Variants in POU2F3 observed in about 807,000 individuals in gnomAD.
POU2F3 encodes the protein POU class 2 homeobox 3, also known as POU domain, class 2, transcription factor 3.
In POU2F3, 23 loss-of-function variants were observed where a neutral mutation model predicts 59.2. That is an observed-to-expected ratio of 0.39 (90% CI 0.28 to 0.55). The LOEUF is 0.55. Ranked by LOEUF, POU2F3 falls within the 20% of genes least tolerant of loss-of-function variation. The probability of loss-of-function intolerance (pLI) is 0.66; values close to 1 mark genes in which losing one functional copy is unlikely to be tolerated. For missense variants in POU2F3, 473 were observed against 544.5 expected (o/e 0.87, Z 1.31); for synonymous variants, 190 against 214.6 (o/e 0.89, Z 1.00).
Position 120,246,569 on chromosome 11 carries a change from T to C in POU2F3, c.97+52T>C, listed in dbSNP as rs375429442. On this transcript the variant is annotated intron_variant, in intron 2 of 12. Coordinates refer to ENST00000543440, the MANE Select transcript of POU2F3 (RefSeq NM_014352.4). ...GAGGGGGTGGGGGGAAGAGAGTTGTTGGGAATTGTTGAACAACTGGTGTCT... is the reference window on the plus strand; with the variant it reads ...GAGGGGGTGGGGGGAAGAGAGTTGTCGGGAATTGTTGAACAACTGGTGTCT... The C allele has an allele frequency of 3.0e-4, 470 of 1,583,984 alleles. 9 individuals carry two copies. The East Asian group carries it at 4.0e-3, about 13-fold the overall frequency.
intron 10 of POU2F3, among the ~76,000 whole-genome samples, chr11:120,311,841 A>G (rs757936491): frequency 7.9e-5 from 12 of 152,214 alleles, no homozygotes; most frequent in Non-Finnish European, 1.6e-4. Context: ...CCATGCCACC[A>G]GCTTTTGCAA....
intron 3 of POU2F3, among the ~76,000 whole-genome samples, chr11:120,281,125 A>G (rs369652499): frequency 6.6e-6 from 1 of 151,976 alleles, no homozygotes; most frequent in African/African-American, 2.4e-5. Flanking sequence ...CCTTCCCCCT[A>G]GTCTGACCCT....
At chr11:120,293,579 C>T (rs1411555557) in intron 3 of POU2F3, among the ~76,000 whole-genome samples, 2 of 152,172 alleles carry the variant, frequency 1.3e-5, no homozygotes, top group Non-Finnish European at 2.9e-5. Flanking sequence ...TTGAAACGCT[C>T]CTTCTTGTGA....
At chr11:120,306,815 C>T (rs141681849) in intron 8 of POU2F3, among the ~76,000 whole-genome samples, 95 of 152,302 alleles carry the variant, frequency 6.2e-4, no homozygotes, top group East Asian at 3.5e-3. Flanking sequence ...CCCCTACAGG[C>T]TGTCCCTTAG....
intron 3 of POU2F3, among the ~76,000 whole-genome samples, chr11:120,280,607 GGACA>G (rs1330346340): frequency 1.3e-5 from 2 of 150,694 alleles, no homozygotes; most frequent in African/African-American, 4.9e-5. Flanking sequence ...GAGAGAAAGA[GGACA>G]GACAGAGAGA....
chr11:120,236,708 G>T (rs1251001864), upstream of POU2F3: 209 of 1,489,592 alleles, frequency 1.4e-4, no homozygotes, highest in East Asian at 4.2e-4. Flanking sequence ...GGAGGAAGGG[G>T]TAAAGGAGTT....
intron 3 of POU2F3, among the ~76,000 whole-genome samples, chr11:120,287,296 G>A (rs1033478743): frequency 2.0e-5 from 3 of 152,156 alleles, no homozygotes; most frequent in Non-Finnish European, 2.9e-5. Flanking sequence ...TCCTATATGC[G>A]AGGACTGTCA....
At position 120,299,640 on chromosome 11, in the gene POU2F3, A is replaced by G; in HGVS notation, c.275A>G (p.His92Arg). The G allele has an allele frequency of 1.2e-6, 2 of 1,613,798 alleles. No individual in the cohort carries two copies. Among genetic ancestry groups the G allele is most frequent in the Non-Finnish European group, 1.7e-6 (2 of 1,179,926 alleles). The change falls in exon 5 of 13, where the codon CAT becomes CGT. Residue 92 changes from histidine (H) to arginine (R), a missense_variant. Transcript: ENST00000543440. Reference sequence around the variant, plus strand: ...CGTGTGTAGGACATGGCTTCCCTCCATCCGCTCCAGCAGCTTGTGCTGGTT... The same window carrying G: ...CGTGTGTAGGACATGGCTTCCCTCCGTCCGCTCCAGCAGCTTGTGCTGGTT... ...ASPCQDMASLHPLQQLVLVPG... is the reference protein window; with the variant it reads ...ASPCQDMASLRPLQQLVLVPG...
chr11:120,268,259 C>G (rs890719686), intron 2 of POU2F3, among the ~76,000 whole-genome samples: 2 of 151,984 alleles, frequency 1.3e-5, no homozygotes, highest in African/African-American at 4.8e-5. Context: ...TTAATTATGA[C>G]GTCCTCTCGG....
intron 3 of POU2F3, among the ~76,000 whole-genome samples, chr11:120,280,246 T>C (rs1940508427): frequency 6.6e-6 from 1 of 152,154 alleles, no homozygotes; most frequent in Admixed American, 6.5e-5. Context: ...TAACAGGCAG[T>C]GGGTTGAGTG....
chr11:120,264,507 G>A (rs949549534), intron 2 of POU2F3, among the ~76,000 whole-genome samples: 5 of 152,180 alleles, frequency 3.3e-5, no homozygotes, highest in Admixed American at 6.5e-5. Flanking sequence ...TAGAAGAGGA[G>A]GAGAGAAGGG....
At chr11:120,259,655 C>A (rs1455990009) in intron 2 of POU2F3, among the ~76,000 whole-genome samples, 1 of 152,120 alleles carries the variant, frequency 6.6e-6, no homozygotes, top group Non-Finnish European at 1.5e-5. Context: ...TTCCTCACTC[C>A]TAAGAAGGAG....
At chr11:120,236,771 G>A (rs1938512674), upstream of POU2F3, 10 of 1,386,392 alleles carry the variant, frequency 7.2e-6, no homozygotes, top group South Asian at 1.1e-4. Flanking sequence ...GAGCAAGTCT[G>A]AGAGAGAAGG....
Position 120,305,824 on chromosome 11 carries a change from G to A in POU2F3, c.769+39G>A, listed in dbSNP as rs760061736. ...ACACGGATGCCAGGGGCCCTAGAGGGCTCTGCAGGGAAGGGCCAGTGACTT... is the reference window on the plus strand; with the variant it reads ...ACACGGATGCCAGGGGCCCTAGAGGACTCTGCAGGGAAGGGCCAGTGACTT... On this transcript the variant is annotated intron_variant, in intron 8 of 12. Transcript: ENST00000543440. 4 of 1,608,506 alleles carry A rather than the reference G, an allele frequency of 2.5e-6. No homozygotes were observed. In the Admixed American group the frequency reaches 5.0e-5, roughly 20 times the overall value.
At chr11:120,296,566 C>T (rs1023183761) in intron 3 of POU2F3, among the ~76,000 whole-genome samples, 3 of 152,112 alleles carry the variant, frequency 2.0e-5, no homozygotes, top group African/African-American at 7.2e-5. Flanking sequence ...ACCTTCTACC[C>T]TCCAACAGGC....
At chr11:120,268,632 G>C (rs546932032) in intron 2 of POU2F3, among the ~76,000 whole-genome samples, 1 of 152,136 alleles carries the variant, frequency 6.6e-6, no homozygotes, top group Admixed American at 6.5e-5. Flanking sequence ...ATGAGCCACC[G>C]TTTCCAGCCA....
intron 2 of POU2F3, among the ~76,000 whole-genome samples, chr11:120,257,798 T>C (rs2135160580): frequency 6.6e-6 from 1 of 152,294 alleles, no homozygotes; most frequent in South Asian, 2.1e-4. Flanking sequence ...GACATGGAAG[T>C]GTGCTGCAAA....
chr11:120,245,760 A>G (rs1938844265), intron 1 of POU2F3, among the ~76,000 whole-genome samples: 1 of 152,154 alleles, frequency 6.6e-6, no homozygotes, highest in African/African-American at 2.4e-5. Context: ...TGGTGTAGGT[A>G]TTCTCTTTCT....
chr11:120,305,123 G>A lies in POU2F3; in HGVS notation c.538G>A (p.Gly180Arg), dbSNP rs768868278. Reference sequence around the variant, plus strand: ...AGTGCCCAAGCATCTACCCAGCTCTGGAGGGGCCGATGAGCCCAGTGACCT... The same window carrying A: ...AGTGCCCAAGCATCTACCCAGCTCTAGAGGGGCCGATGAGCCCAGTGACCT... ...LPVPKHLPSS[G>R]GADEPSDLEE... The change falls in exon 7 of 13, where the codon GGA becomes AGA. Residue 180 changes from glycine (G) to arginine (R), a missense_variant. Gly to Arg is a moderately radical substitution (Grantham distance 125, BLOSUM62 -2). Transcript: ENST00000543440. 2.5e-6 allele frequency: 4 copies of A among 1,613,820 alleles called. No individual in the cohort carries two copies. The South Asian group carries it at 4.4e-5, about 18-fold the overall frequency.
Sources: allele counts gnomAD v4.1 joint callset (sites outside exome capture counted in the v4.1 genomes callset), GRCh38; gene constraint gnomAD v4.1.1; transcripts MANE v1.5; gene names NCBI Gene and HGNC (gene_info 2026-07-23, HGNC 2026-07-21).